Variants in SUPT3H observed in about 807,000 individuals in gnomAD.
The protein encoded by SUPT3H is transcription initiation protein SPT3 homolog.
In SUPT3H, 44 loss-of-function variants were observed where a neutral mutation model predicts 44.3. That is an observed-to-expected ratio of 0.99 (90% CI 0.78 to 1.28). SUPT3H has a LOEUF of 1.28. SUPT3H is among the 50% of genes most tolerant of loss of function. The probability of loss-of-function intolerance (pLI) is 0.00; values close to 1 mark genes in which losing one functional copy is unlikely to be tolerated. For missense variants in SUPT3H, 380 were observed against 387.1 expected (o/e 0.98, Z 0.15); for synonymous variants, 124 against 125.6 (o/e 0.99, Z 0.09).
intron 10 of SUPT3H, among the ~76,000 whole-genome samples, chr6:44,840,482 A>G (rs142396329): frequency 1.3e-5 from 2 of 152,202 alleles, no homozygotes; most frequent in Non-Finnish European, 2.9e-5. Flanking sequence ...AAAAAGCAAA[A>G]GAAATATAGT....
intron 3 of SUPT3H, among the ~76,000 whole-genome samples, chr6:45,105,025 T>C (rs996174754): frequency 1.3e-5 from 2 of 151,824 alleles, no homozygotes; most frequent in Non-Finnish European, 2.9e-5. Flanking sequence ...AAATATACTA[T>C]AAAACCTGTA....
At chr6:45,236,021 G>A (rs547722758) in intron 2 of SUPT3H, among the ~76,000 whole-genome samples, 8 of 152,176 alleles carry the variant, frequency 5.3e-5, no homozygotes, top group South Asian at 2.1e-4. Context: ...CTTTTTTCCC[G>A]TAAGGAATAC....
chr6:44,986,163 G>C (rs772909731), intron 6 of SUPT3H, among the ~76,000 whole-genome samples: 2 of 152,128 alleles, frequency 1.3e-5, no homozygotes, highest in Non-Finnish European at 2.9e-5. Flanking sequence ...GTTTCTTCCA[G>C]ATAAAGACCA....
At chr6:45,229,020 T>C (rs1334194717) in intron 2 of SUPT3H, among the ~76,000 whole-genome samples, 3 of 152,190 alleles carry the variant, frequency 2.0e-5, no homozygotes, top group African/African-American at 7.2e-5. Context: ...TAATCTTGCA[T>C]GAAAGCATTT....
rs776255221 is a variant in SUPT3H at position 45,014,914 on chromosome 6, A to G, written c.274-23T>C. 6 of 1,397,840 alleles carry G rather than the reference A, an allele frequency of 4.3e-6. No individual in the cohort carries two copies. In the African/African-American group the frequency reaches 4.4e-5, roughly 10 times the overall value. The allele number at this position is 1,397,840 out of a possible 1,614,324, so 86.6% of individuals were successfully genotyped here. A position where few individuals can be genotyped will look rare whatever the true frequency, so the allele number is the denominator to read the frequency against. ...TTTCTATTAAAAATATAAAATAAGT[A>G]AATAAGAAAACCTATACATATATTC... On this transcript the variant is annotated intron_variant, in intron 4 of 10. Transcript: ENST00000371459.
intron 2 of SUPT3H, among the ~76,000 whole-genome samples, chr6:45,333,573 A>C (rs1787947683): frequency 6.6e-6 from 1 of 151,504 alleles, no homozygotes; most frequent in South Asian, 2.1e-4. Flanking sequence ...AATAGAAAGA[A>C]GCCTAACTAA....
intron 2 of SUPT3H, among the ~76,000 whole-genome samples, chr6:45,358,281 T>C (rs1187611893): frequency 6.6e-6 from 1 of 152,218 alleles, no homozygotes; most frequent in Admixed American, 6.5e-5. Flanking sequence ...TTGCTAAGTT[T>C]ATGGCTAAAC....
intron 2 of SUPT3H, among the ~76,000 whole-genome samples, chr6:45,333,542 T>C (rs1787942895): frequency 6.6e-6 from 1 of 151,534 alleles, no homozygotes; most frequent in Non-Finnish European, 1.5e-5. Context: ...TCAAACACTT[T>C]AGGTTTTGTT....
At chr6:45,258,616 T>C (rs1773805902) in intron 2 of SUPT3H, among the ~76,000 whole-genome samples, 1 of 152,146 alleles carries the variant, frequency 6.6e-6, no homozygotes, top group African/African-American at 2.4e-5. Context: ...TAATTACAAG[T>C]CAGTCAGTAA....
chr6:45,183,188 C>T (rs552380568), intron 2 of SUPT3H, among the ~76,000 whole-genome samples: 5 of 152,280 alleles, frequency 3.3e-5, no homozygotes, highest in African/African-American at 1.2e-4. Flanking sequence ...CTTGAGGACA[C>T]TGTACTAAGT....
intron 10 of SUPT3H, among the ~76,000 whole-genome samples, chr6:44,915,120 TAA>T (rs1220102156): frequency 1.3e-5 from 2 of 152,100 alleles, no homozygotes; most frequent in African/African-American, 2.4e-5. Context: ...GGGATAAAAG[TAA>T]AGAGAGTGGC....
chr6:45,262,830 C>T (rs952770919), intron 2 of SUPT3H, among the ~76,000 whole-genome samples: 7 of 152,036 alleles, frequency 4.6e-5, no homozygotes, highest in African/African-American at 1.7e-4. Context: ...GGGCAAAAGA[C>T]ATGAACAGGA....
intron 2 of SUPT3H, among the ~76,000 whole-genome samples, chr6:45,287,802 A>G (rs1052300549): frequency 1.3e-5 from 2 of 152,194 alleles, no homozygotes; most frequent in African/African-American, 4.8e-5. Context: ...AAGACCATTA[A>G]TCAATTTCAA....
chr6:45,073,342 A>T (rs1318118750), intron 3 of SUPT3H, among the ~76,000 whole-genome samples: 1 of 152,048 alleles, frequency 6.6e-6, no homozygotes, highest in Non-Finnish European at 1.5e-5. Context: ...GACTACCAAA[A>T]GTTTAGAGAA....
intron 2 of SUPT3H, among the ~76,000 whole-genome samples, chr6:45,296,410 A>G (rs1436040195): frequency 6.6e-6 from 1 of 151,804 alleles, no homozygotes; most frequent in Non-Finnish European, 1.5e-5. Flanking sequence ...TTGGGGACTC[A>G]GGGGGAAAGG....
chr6:44,947,280 T>C (rs1773502997), intron 9 of SUPT3H, among the ~76,000 whole-genome samples: 1 of 152,172 alleles, frequency 6.6e-6, no homozygotes, highest in Non-Finnish European at 1.5e-5. Flanking sequence ...ATCTCTGAAG[T>C]ATGCCTGCAG....
chr6:45,163,710 G>T (rs1809403051), intron 2 of SUPT3H, among the ~76,000 whole-genome samples: 1 of 150,320 alleles, frequency 6.7e-6, no homozygotes, highest in Non-Finnish European at 1.5e-5. Flanking sequence ...TTGTTACCTT[G>T]TTGTCAGAGG....
At chr6:44,870,778 C>T (rs889447072) in intron 10 of SUPT3H, among the ~76,000 whole-genome samples, 5 of 150,654 alleles carry the variant, frequency 3.3e-5, no homozygotes, top group Non-Finnish European at 5.9e-5. Flanking sequence ...TGGGCGCAGG[C>T]CAGTGTGTGC....
chr6:44,825,797 CCTAT>C (rs371810053), downstream of SUPT3H, among the ~76,000 whole-genome samples: 409 of 151,906 alleles, frequency 2.7e-3, no homozygotes, highest in Middle Eastern at 0.01. Flanking sequence ...TTCTTTTTTT[CCTAT>C]CTATCTATCT....
Sources: allele counts gnomAD v4.1 joint callset (sites outside exome capture counted in the v4.1 genomes callset), GRCh38; gene constraint gnomAD v4.1.1; transcripts MANE v1.5; gene names NCBI Gene and HGNC (gene_info 2026-07-23, HGNC 2026-07-21).